SUPT3H: variants seen among roughly 807,000 people sequenced by gnomAD.
SUPT3H encodes the protein SPT3 homolog, SAGA and STAGA complex component, also known as transcription initiation protein SPT3 homolog.
In SUPT3H, 44 loss-of-function variants were observed where a neutral mutation model predicts 44.3. The ratio of observed to expected loss-of-function variants is 0.99; its 90% CI spans 0.78 to 1.28. The LOEUF (loss-of-function observed/expected upper bound fraction) is 1.28, where lower values mean the gene tolerates loss of function less well. Ranked by LOEUF, SUPT3H falls within the 50% of genes most tolerant of loss-of-function variation. SUPT3H has a pLI of 0.00. For missense variants in SUPT3H, 380 were observed against 387.1 expected (o/e 0.98, Z 0.15); for synonymous variants, 124 against 125.6 (o/e 0.99, Z 0.09).
intron 9 of SUPT3H, among the ~76,000 whole-genome samples, chr6:44,949,602 C>T (rs1773952569): frequency 9.7e-6 from 1 of 103,618 alleles, no homozygotes; most frequent in African/African-American, 3.0e-5. Context: ...AAGTCAGCCC[C>T]TTTGCCTGCA....
Position 45,154,087 on chromosome 6 carries a change from A to AAAAAC in SUPT3H, c.102-48082_102-48081insGTTTT, listed in dbSNP as rs70996303. 3.5e-5 allele frequency among the ~76,000 whole-genome samples: 4 copies of AAAAAC among 114,596 alleles called. 1 individual carries two copies. Among genetic ancestry groups the AAAAAC allele is most frequent in the Non-Finnish European group, 7.0e-5 (4 of 56,958 alleles). The allele number at this position is 114,596 out of a possible 152,430, so 75.2% of individuals were successfully genotyped here. On this transcript the variant is annotated intron_variant, in intron 2 of 10. Coordinates refer to ENST00000371459, the MANE Select transcript of SUPT3H (RefSeq NM_003599.4). ...TCTGTCTCAAGAAAAAAAAAAAAAA[A>AAAAAC]AGCGCTTAGTCCTCCTATGTTAGAA...
At chr6:44,862,588 G>A (rs765491978) in intron 10 of SUPT3H, among the ~76,000 whole-genome samples, 2 of 150,194 alleles carry the variant, frequency 1.3e-5, no homozygotes, top group East Asian at 2.0e-4. Context: ...GAGGCAGGGA[G>A]AATTGCTTGA....
At chr6:44,939,845 G>C (rs1165558940) in intron 9 of SUPT3H, among the ~76,000 whole-genome samples, 1 of 152,022 alleles carries the variant, frequency 6.6e-6, no homozygotes, top group Non-Finnish European at 1.5e-5. Flanking sequence ...TGAGTGTATA[G>C]TTGCTCATAA....
rs879790874 is a variant in SUPT3H at position 45,227,804 on chromosome 6, T to C, written c.102-121798A>G. Among the ~76,000 whole-genome samples, 16 of 152,328 alleles carry C rather than the reference T, an allele frequency of 1.1e-4. No homozygotes were observed. The South Asian group carries it at 1.7e-3, about 16-fold the overall frequency. ...GATTAAATTATTCCTTAATTTAACATTGTGTCTGGCCTGACTAAAAACACA... is the reference window on the plus strand; with the variant it reads ...GATTAAATTATTCCTTAATTTAACACTGTGTCTGGCCTGACTAAAAACACA... On this transcript the variant is annotated intron_variant, in intron 2 of 10. Coordinates refer to ENST00000371459, the MANE Select transcript of SUPT3H (RefSeq NM_003599.4).
intron 2 of SUPT3H, among the ~76,000 whole-genome samples, chr6:45,156,153 G>A (rs573145397): frequency 6.6e-6 from 1 of 152,160 alleles, no homozygotes; most frequent in East Asian, 1.9e-4. Flanking sequence ...CAAGCTACAC[G>A]ATGCTTAAAA....
chr6:45,372,623 T>C (rs1796242326), intron 1 of SUPT3H, among the ~76,000 whole-genome samples: 1 of 152,222 alleles, frequency 6.6e-6, no homozygotes, highest in African/African-American at 2.4e-5. Context: ...TTCAACAGCA[T>C]CTTTTCAGTA....
At chr6:45,158,317 TG>T (rs1808349252) in intron 2 of SUPT3H, among the ~76,000 whole-genome samples, 3 of 127,742 alleles carry the variant, frequency 2.3e-5, no homozygotes, top group Admixed American at 1.6e-4. Flanking sequence ...TTTTTTTTTT[TG>T]AGATGGAGTC....
intron 2 of SUPT3H, among the ~76,000 whole-genome samples, chr6:45,152,738 C>T (rs1253025541): frequency 2.6e-5 from 4 of 152,072 alleles, no homozygotes; most frequent in Admixed American, 2.6e-4. Context: ...GTGATCCACT[C>T]GTCTCAGCCT....
At chr6:45,085,193 C>A (rs1796336162) in intron 3 of SUPT3H, among the ~76,000 whole-genome samples, 1 of 152,088 alleles carries the variant, frequency 6.6e-6, no homozygotes, top group South Asian at 2.1e-4. Flanking sequence ...TACATTTGCA[C>A]TAAGTGCCAG....
intron 2 of SUPT3H, among the ~76,000 whole-genome samples, chr6:45,258,537 C>G (rs749930598): frequency 2.0e-5 from 3 of 152,074 alleles, no homozygotes; most frequent in Non-Finnish European, 4.4e-5. Context: ...AGAAAAGTTA[C>G]CAGATTTAAA....
rs934186171 is a variant in SUPT3H at position 45,087,544 on chromosome 6, G to T, written c.186+18378C>A. On this transcript the variant is annotated intron_variant, in intron 3 of 10. Coordinates refer to ENST00000371459, the MANE Select transcript of SUPT3H (RefSeq NM_003599.4). ...GCTTTTAAAACACAAGTTTTAAAAA[G>T]ATTATTATTAGCAATAATAATAAAA... is the stretch of plus-strand genomic sequence containing the variant. Among the ~76,000 whole-genome samples the T allele has an allele frequency of 2.6e-5, 4 of 151,822 alleles. No individual in the cohort carries two copies. In the South Asian group the frequency reaches 6.2e-4, roughly 24 times the overall value.
chr6:44,963,074 T>C (rs148880195), intron 6 of SUPT3H, among the ~76,000 whole-genome samples: 295 of 151,524 alleles, frequency 1.9e-3, no homozygotes, highest in African/African-American at 6.6e-3. Flanking sequence ...TGTATATATA[T>C]ACACATATAA....
intron 3 of SUPT3H, among the ~76,000 whole-genome samples, chr6:45,030,379 C>A (rs576251828): frequency 2.6e-5 from 4 of 152,322 alleles, no homozygotes; most frequent in Admixed American, 6.5e-5. Context: ...CATGTCCACA[C>A]CCCTTTCCAT....
At chr6:45,100,555 A>AAG (rs1377433601) in intron 3 of SUPT3H, among the ~76,000 whole-genome samples, 1 of 149,014 alleles carries the variant, frequency 6.7e-6, no homozygotes, top group Non-Finnish European at 1.5e-5. Context: ...AAAAAAAAAA[A>AAG]AAAAAAAAAG....
chr6:45,140,608 C>G (rs991314607), intron 2 of SUPT3H, among the ~76,000 whole-genome samples: 4 of 151,984 alleles, frequency 2.6e-5, no homozygotes, highest in Admixed American at 6.6e-5. Flanking sequence ...AAAGCCAGTG[C>G]ACTAAACATA....
intron 3 of SUPT3H, among the ~76,000 whole-genome samples, chr6:45,044,897 T>C (rs1476920102): frequency 6.6e-6 from 1 of 152,152 alleles, no homozygotes; most frequent in Non-Finnish European, 1.5e-5. Flanking sequence ...AAAATAAAAA[T>C]TATTTTAGTG....
intron 3 of SUPT3H, among the ~76,000 whole-genome samples, chr6:45,102,545 C>T (rs1016540279): frequency 6.6e-6 from 1 of 151,852 alleles, no homozygotes; most frequent in Admixed American, 6.6e-5. Flanking sequence ...AAAAAAAACC[C>T]CAAAAGAATG....
At chr6:45,068,272 A>T (rs867767750) in intron 3 of SUPT3H, among the ~76,000 whole-genome samples, 195 of 139,196 alleles carry the variant, frequency 1.4e-3, no homozygotes, top group African/African-American at 5.1e-3. Flanking sequence ...ATGAGATCAC[A>T]TGGACACAGG....
chr6:44,821,981 A>G (rs1400030554), downstream of SUPT3H, among the ~76,000 whole-genome samples: 5 of 152,370 alleles, frequency 3.3e-5, no homozygotes, highest in African/African-American at 9.6e-5. Context: ...GGTAGTGTCA[A>G]AAAACTAGCA....
Sources: gnomAD v4.1 joint callset for allele counts (sites outside exome capture counted in the v4.1 genomes callset) on GRCh38, gnomAD v4.1.1 for gene constraint, MANE v1.5 for transcripts, NCBI Gene and HGNC (gene_info 2026-07-23, HGNC 2026-07-21) for gene names.